THBS4: variants seen among roughly 807,000 people sequenced by gnomAD.
THBS4 encodes thrombospondin-4.
In THBS4, 90 loss-of-function variants were observed where a neutral mutation model predicts 115.7. The observed-to-expected ratio is 0.78, with a 90% confidence interval of 0.66 to 0.93. The LOEUF (loss-of-function observed/expected upper bound fraction) is 0.93, where lower values mean the gene tolerates loss of function less well. Among genes scored for constraint, THBS4 ranks in the 40% least tolerant of loss-of-function variants. The pLI, the probability that THBS4 is intolerant of heterozygous loss-of-function variation, is 0.00. For missense variants in THBS4, 1,087 were observed against 1,232.7 expected (o/e 0.88, Z 1.77); for synonymous variants, 460 against 479.3 (o/e 0.96, Z 0.53).
At chr5:80,043,692 A>G (rs1269951466) in intron 2 of THBS4, among the ~76,000 whole-genome samples, 1 of 152,162 alleles carries the variant, frequency 6.6e-6, no homozygotes, top group African/African-American at 2.4e-5. Flanking sequence ...AAATGTAGCT[A>G]ATGAAGACTG....
chr5:80,052,820 A>T (rs1833296310), intron 2 of THBS4: 1 of 152,212 alleles, frequency 6.6e-6, no homozygotes, highest in Admixed American at 6.5e-5. Context: ...ATCTTTGGCG[A>T]TACTGCAACA....
Position 80,080,000 on chromosome 5 carries a change from CTCCAGGAA to C in THBS4, c.2609_2616del (p.Ser870CysfsTer28), listed in dbSNP as rs1342237966. ...ACCAGGTCAGGCTGCTGTGGAAGGACTCCAGGAATGTGGGCTGGAAGGACAAGGTGTCC... is the reference window on the plus strand; with the variant it reads ...ACCAGGTCAGGCTGCTGTGGAAGGACTGTGGGCTGGAAGGACAAGGTGTCC... On this transcript the variant is annotated frameshift_variant, in exon 20 of 22. Coordinates refer to ENST00000350881, the MANE Select transcript of THBS4 (RefSeq NM_003248.6). LOFTEE classifies it high-confidence loss of function. 6.2e-7 allele frequency: 1 copy of C among 1,614,142 alleles called. No individual in the cohort carries two copies. The highest frequency in any genetic ancestry group is 2.2e-5 in the East Asian group (1 of 44,866).
intron 2 of THBS4, among the ~76,000 whole-genome samples, chr5:80,015,342 G>A (rs1832225637): frequency 6.6e-6 from 1 of 152,174 alleles, no homozygotes; most frequent in Non-Finnish European, 1.5e-5. Context: ...GTTCTGCCAA[G>A]GTGAGTATGC....
intron 6 of THBS4, 30 bp downstream of exon 6, chr5:80,059,521 T>A: frequency 6.2e-7 from 1 of 1,613,682 alleles, no homozygotes. Flanking sequence ...TGGGCTCGCC[T>A]GAGTTGGATG....
intron 2 of THBS4, among the ~76,000 whole-genome samples, chr5:80,016,647 A>G (rs1043388512): frequency 6.6e-6 from 1 of 152,196 alleles, no homozygotes; most frequent in Non-Finnish European, 1.5e-5. Flanking sequence ...ATTTAGGATT[A>G]TAGTATTGCT....
intron 1 of THBS4, chr5:79,991,489 C>T: frequency 2.5e-6 from 1 of 394,988 alleles, no homozygotes. Context: ...CTAGAGTGTT[C>T]CAAACCCTTT....
At chr5:79,997,064 C>G (rs1013092045) in intron 1 of THBS4, among the ~76,000 whole-genome samples, 1 of 144,774 alleles carries the variant, frequency 6.9e-6, no homozygotes, top group Non-Finnish European at 1.5e-5. Flanking sequence ...AAGTAACCCA[C>G]AAGAAAGCAA....
intron 2 of THBS4, among the ~76,000 whole-genome samples, chr5:80,051,513 C>G (rs2434277): frequency 0.55 from 83,572 of 152,032 alleles, 23,406 homozygotes; most frequent in African/African-American, 0.65. Flanking sequence ...GGTTTTCCTT[C>G]CCTGCGTTTT....
chr5:80,014,391 G>T (rs548173897), intron 2 of THBS4, among the ~76,000 whole-genome samples: 3 of 152,240 alleles, frequency 2.0e-5, no homozygotes, highest in Admixed American at 6.5e-5. Context: ...CAGCAGTCAT[G>T]ACAGTGGTCC....
intron 19 of THBS4, 76 bp from the exon 20 acceptor site, chr5:80,079,829 C>T: frequency 1.4e-6 from 2 of 1,456,828 alleles, no homozygotes; most frequent in East Asian, 4.6e-5. Context: ...TAACCTGGAT[C>T]ATCACTTCAG....
chr5:80,020,836 G>C (rs1832357439), intron 2 of THBS4, among the ~76,000 whole-genome samples: 1 of 152,272 alleles, frequency 6.6e-6, no homozygotes, highest in South Asian at 2.1e-4. Context: ...CACAGAAAGA[G>C]GCTTTATAAA....
rs67048630 is a variant in THBS4 at position 80,080,579 on chromosome 5, C to CTTTTTTTTTTTTTTTTTTTTTTTTTT, written c.2684+527_2684+528insTTTTTTTTTTTTTTTTTTTTTTTTTT. 7.9e-4 allele frequency among the ~76,000 whole-genome samples: 40 copies of CTTTTTTTTTTTTTTTTTTTTTTTTTT among 50,496 alleles called. 9 individuals carry two copies. Among genetic ancestry groups the CTTTTTTTTTTTTTTTTTTTTTTTTTT allele is most frequent in the African/African-American group, 1.3e-3 (16 of 12,706 alleles). 33.1% of individuals were successfully genotyped at this position (50,496 alleles called of 152,430 possible). On this transcript the variant is annotated intron_variant, in intron 20 of 21. Transcript: ENST00000350881. Reference sequence around the variant, plus strand: ...AACTGCATGAGAGCAGCGCTTGTATCTTTTTTTTTTTTTTTTTTTTTTTTT... The same window carrying CTTTTTTTTTTTTTTTTTTTTTTTTTT: ...AACTGCATGAGAGCAGCGCTTGTATCTTTTTTTTTTTTTTTTTTTTTTTTTTTTTTTTTTTTTTTTTTTTTTTTTTT...
intron 3 of THBS4, among the ~76,000 whole-genome samples, chr5:80,057,745 G>A (rs1833478479): frequency 6.6e-6 from 1 of 152,192 alleles, no homozygotes; most frequent in South Asian, 2.1e-4. Context: ...ACTACCTAAT[G>A]ATCATAGAAG....
At chr5:80,067,820 C>A in intron 9 of THBS4, 153 bp from the exon 10 acceptor site, 1 of 795,836 alleles carries the variant, frequency 1.3e-6, no homozygotes. Context: ...TTCACATGAT[C>A]TTACATGTAA....
upstream of THBS4, among the ~76,000 whole-genome samples, chr5:80,030,956 A>G (rs975411007): frequency 1.3e-5 from 2 of 152,236 alleles, no homozygotes; most frequent in Non-Finnish European, 2.9e-5. Context: ...GTTGTGCCAA[A>G]TATCAGTGCA....
rs781079222 is a variant in THBS4, at chr5:80,065,406, T to G, written c.1126-3T>G. On this transcript the variant is annotated splice_polypyrimidine_tract_variant and splice_region_variant and intron_variant, in intron 8 of 21. Transcript: ENST00000350881. ...AAACTTTCTTTGAACTTTTCTGCAC[T>G]AGGTCTGCACTGACATTGATGAGTG... 1.9e-6 allele frequency: 3 copies of G among 1,609,472 alleles called. No homozygotes were observed. The highest frequency in any genetic ancestry group is 2.5e-6 in the Non-Finnish European group (3 of 1,178,146).
chr5:80,051,922 A>G (rs1833270629), intron 2 of THBS4, among the ~76,000 whole-genome samples: 1 of 152,232 alleles, frequency 6.6e-6, no homozygotes, highest in Non-Finnish European at 1.5e-5. Flanking sequence ...AATTTCACAG[A>G]AATCTTAGTT....
intron 2 of THBS4, among the ~76,000 whole-genome samples, chr5:80,020,396 C>T (rs1008073597): frequency 1.3e-5 from 2 of 152,166 alleles, no homozygotes; most frequent in African/African-American, 4.8e-5. Context: ...ATGGCATGAA[C>T]CCGGGAGGCG....
At chr5:80,061,545 G>GTAAC in intron 7 of THBS4, 150 bp from the exon 8 acceptor site, 1 of 1,028,184 alleles carries the variant, frequency 9.7e-7, no homozygotes, top group Non-Finnish European at 1.4e-6. Context: ...GATTCAGTGG[G>GTAAC]TAACTGGAGT....
Sources: gnomAD v4.1 joint callset for allele counts (sites outside exome capture counted in the v4.1 genomes callset) on GRCh38, gnomAD v4.1.1 for gene constraint, MANE v1.5 for transcripts, NCBI Gene and HGNC (gene_info 2026-07-23, HGNC 2026-07-21) for gene names.